The following HPSE2 variants were observed in gnomAD, a reference collection of about 807,000 sequenced individuals.
HPSE2 encodes heparanase 2 (inactive).
Under a neutral mutation model 60.5 loss-of-function variants are expected in HPSE2, and 38 were observed. The observed-to-expected ratio is 0.63, with a 90% CI of 0.48 to 0.82. HPSE2 has a LOEUF of 0.82. HPSE2 is among the 40% of genes least tolerant of loss of function. The pLI, the probability that HPSE2 is intolerant of heterozygous loss-of-function variation, is 0.00. For synonymous variants in HPSE2, 295 were observed against 293.2 expected, an observed-to-expected ratio of 1.01 and a Z score of -0.06; for missense variants, 713 against 740.4, an observed-to-expected ratio of 0.96 and a Z score of 0.43.
intron 3 of HPSE2, among the ~76,000 whole-genome samples, chr10:98,826,511 C>T (rs548544382): frequency 6.8e-4 from 103 of 152,292 alleles, no homozygotes; most frequent in African/African-American, 1.6e-3. Context: ...TGAATTCAGA[C>T]TCTGTGACTA....
chr10:98,982,114 A>G (rs1956221730), intron 3 of HPSE2, among the ~76,000 whole-genome samples: 1 of 152,026 alleles, frequency 6.6e-6, no homozygotes. Flanking sequence ...TTTAGAGAAA[A>G]AAGCCTTGAC....
chr10:99,029,053 T>C (rs1957440142), intron 3 of HPSE2, among the ~76,000 whole-genome samples: 1 of 152,192 alleles, frequency 6.6e-6, no homozygotes, highest in African/African-American at 2.4e-5. Flanking sequence ...GGGGAAAATC[T>C]CTAGCACATT....
At chr10:98,586,293 G>A (rs1024260795) in intron 9 of HPSE2, among the ~76,000 whole-genome samples, 2 of 151,944 alleles carry the variant, frequency 1.3e-5, no homozygotes, top group African/African-American at 4.8e-5. Flanking sequence ...TTCTATCCTT[G>A]GAGTGCTCTT....
At chr10:98,834,062 A>AG (rs1235425888) in intron 3 of HPSE2, among the ~76,000 whole-genome samples, 2 of 152,166 alleles carry the variant, frequency 1.3e-5, no homozygotes, top group Non-Finnish European at 2.9e-5. Flanking sequence ...TCACTAAGAA[A>AG]GAAAAAAAAG....
intron 5 of HPSE2, among the ~76,000 whole-genome samples, chr10:98,698,948 T>C (rs1363573921): frequency 6.6e-6 from 1 of 152,168 alleles, no homozygotes. Flanking sequence ...CAGGAAGAAG[T>C]TGACTCTCTG....
intron 9 of HPSE2, among the ~76,000 whole-genome samples, chr10:98,510,842 G>A (rs1408162965): frequency 6.6e-6 from 1 of 152,070 alleles, no homozygotes; most frequent in Non-Finnish European, 1.5e-5. Context: ...TCTGTGAAAT[G>A]AGGCTGACTA....
chr10:98,549,476 T>C (rs1303080580), intron 9 of HPSE2, among the ~76,000 whole-genome samples: 2 of 152,182 alleles, frequency 1.3e-5, no homozygotes, highest in African/African-American at 2.4e-5. Flanking sequence ...TTATTTCCAT[T>C]AGGTCTATTC....
In HPSE2 at chr10:98,686,337, T is replaced by C. The variant is rs150853719; in HGVS notation, c.1004+7563A>G. ...GCTGGATTCCACAAATTTTGATATA[T>C]TGTATTTTCATAATCATTTCAAAAT... On this transcript the variant is annotated intron_variant, in intron 6 of 11. Coordinates refer to ENST00000370552, the MANE Select transcript of HPSE2 (RefSeq NM_021828.5). Among the ~76,000 whole-genome samples, 116 of 152,320 alleles carry C rather than the reference T, an allele frequency of 7.6e-4. 1 individual carries two copies. Among genetic ancestry groups the C allele is most frequent in the African/African-American group, 2.6e-3 (110 of 41,578 alleles).
At chr10:98,516,783 G>A (rs1189696928) in intron 9 of HPSE2, among the ~76,000 whole-genome samples, 1 of 152,190 alleles carries the variant, frequency 6.6e-6, no homozygotes, top group Admixed American at 6.5e-5. Flanking sequence ...CAGATGTGAA[G>A]CTCATTGTCC....
chr10:98,723,643 C>T (rs1414902659), intron 4 of HPSE2, among the ~76,000 whole-genome samples: 6 of 152,104 alleles, frequency 3.9e-5, no homozygotes, highest in African/African-American at 1.4e-4. Flanking sequence ...AATTTCAGAG[C>T]CTGTTATTGG....
At chr10:99,091,500 C>T (rs955415837) in intron 3 of HPSE2, among the ~76,000 whole-genome samples, 2 of 151,900 alleles carry the variant, frequency 1.3e-5, no homozygotes, top group Non-Finnish European at 2.9e-5. Context: ...TTTTAAAAGC[C>T]CAGCCACTAC....
At chr10:99,283,307 T>G in the HPSE2 span, among the ~76,000 whole-genome samples, 2 of 138,012 alleles carry the variant, frequency 1.4e-5, no homozygotes, top group African/African-American at 5.3e-5. Flanking sequence ...GAGAAAATAA[T>G]AAATATTAGA....
chr10:98,706,222 T>C (rs1948544074), intron 5 of HPSE2, among the ~76,000 whole-genome samples: 1 of 152,198 alleles, frequency 6.6e-6, no homozygotes, highest in Non-Finnish European at 1.5e-5. Flanking sequence ...CAAGCTGTTT[T>C]CACTGAGGCT....
chr10:98,526,369 T>C lies in HPSE2; in HGVS notation c.1321-36173A>G, dbSNP rs543137955. 1.6e-4 allele frequency among the ~76,000 whole-genome samples: 25 copies of C among 152,336 alleles called. No individual in the cohort carries two copies. In the South Asian group the frequency reaches 5.2e-3, roughly 32 times the overall value. On this transcript the variant is annotated intron_variant, in intron 9 of 11. Transcript: ENST00000370552. ...ATTTACACAAATGTCATTCCTCTTG[T>C]AGCATAACAATCATATTATTAGATG...
chr10:98,552,301 TC>T (rs1943886440), intron 9 of HPSE2, among the ~76,000 whole-genome samples: 1 of 51,786 alleles, frequency 1.9e-5, no homozygotes, highest in African/African-American at 3.2e-5. Flanking sequence ...GAGATCATCA[TC>T]ATCATCATCA....
chr10:98,492,479 G>A (rs1245015101), intron 9 of HPSE2, among the ~76,000 whole-genome samples: 2 of 135,662 alleles, frequency 1.5e-5, no homozygotes, highest in Non-Finnish European at 3.1e-5. Context: ...TCCAGCCTGG[G>A]CAACAGAACG....
At chr10:98,845,716 C>T (rs561850844) in intron 3 of HPSE2, among the ~76,000 whole-genome samples, 2 of 152,282 alleles carry the variant, frequency 1.3e-5, no homozygotes, top group African/African-American at 4.8e-5. Flanking sequence ...TCTGATGTGG[C>T]TGGGAGCAGG....
At chr10:99,278,926 T>C in the HPSE2 span, among the ~76,000 whole-genome samples, 1 of 152,152 alleles carries the variant, frequency 6.6e-6, no homozygotes, top group Non-Finnish European at 1.5e-5. Context: ...AATCATGAAA[T>C]GTTTAAAGGA....
At chr10:98,823,469 CA>C (rs963902727) in intron 3 of HPSE2, among the ~76,000 whole-genome samples, 4 of 151,802 alleles carry the variant, frequency 2.6e-5, no homozygotes, top group African/African-American at 9.7e-5. Flanking sequence ...AACTAGAAAA[CA>C]AAAAAATTAG....
Sources: allele counts gnomAD v4.1 joint callset (sites outside exome capture counted in the v4.1 genomes callset), GRCh38; gene constraint gnomAD v4.1.1; transcripts MANE v1.5; gene names NCBI Gene and HGNC (gene_info 2026-07-23, HGNC 2026-07-21).